MELTF: variants seen among roughly 807,000 people sequenced by gnomAD.
MELTF encodes the protein melanotransferrin.
A neutral mutation model predicts 83.7 loss-of-function variants in MELTF; 67 were observed. The ratio of observed to expected loss-of-function variants is 0.80; its 90% CI spans 0.66 to 0.98. MELTF has a LOEUF of 0.98. Among genes scored for constraint, MELTF ranks in the 50% least tolerant of loss-of-function variants. MELTF has a pLI of 0.00. For missense variants in MELTF, 1,002 were observed against 1,035.6 expected (o/e 0.97, Z 0.44); for synonymous variants, 462 against 447.6 (o/e 1.03, Z -0.41).
intron 5 of MELTF, 30 bp from the exon 6 acceptor site, chr3:197,021,501 G>A: frequency 6.2e-7 from 1 of 1,608,356 alleles, no homozygotes; most frequent in Non-Finnish European, 8.5e-7. Flanking sequence ...GGTCTGGATG[G>A]GCTGAGCCCC....
In MELTF at chr3:197,029,670, G is replaced by T. The variant is rs1336694246; in HGVS notation, c.33C>A (p.Leu11=). ...GGGCCTCACCGGTGCGCAGAGCCAG[G>T]AGCAGCCACAGAGCCCCGCTCGGAC... MRGPSGALWL[L]LALRTVLGGM... Residue 11 remains leucine (L), a synonymous_variant, in exon 1 of 16, where the codon CTC becomes CTA. Transcript: ENST00000296350. The surrounding 1 kb of genome is among the most constrained non-coding windows in gnomAD (Gnocchi z 6.5). 1 of 1,247,780 alleles carries T rather than the reference G, an allele frequency of 8.0e-7. No individual in the cohort carries two copies. Among genetic ancestry groups the T allele is most frequent in the South Asian group, 3.7e-5 (1 of 26,858 alleles). The allele number at this position is 1,247,780 out of a possible 1,614,324, so 77.3% of individuals were successfully genotyped here. A position where few individuals can be genotyped will look rare whatever the true frequency, so the allele number is the denominator to read the frequency against.
In MELTF at chr3:197,006,740, A is replaced by AG; in HGVS notation, c.1751-5dup. The AG allele has an allele frequency of 1.3e-6, 2 of 1,526,304 alleles. No individual in the cohort carries two copies. The highest frequency in any genetic ancestry group is 1.3e-5 in the South Asian group (1 of 77,052). 94.5% of individuals were successfully genotyped at this position (1,526,304 alleles called of 1,614,324 possible). ...GCCCAGGGCTCGGAATTGTGGCCTG[A>AG]GGGGGGTAAAGCAGTGTGTGTGGGG... On this transcript the variant is annotated splice_region_variant and splice_polypyrimidine_tract_variant and intron_variant, in intron 13 of 15. Coordinates refer to ENST00000296350, the MANE Select transcript of MELTF (RefSeq NM_005929.6). This position sits in a 1 kb window ranked among gnomAD's most constrained non-coding sequence, Gnocchi z 5.4.
chr3:197,016,550 C>T (rs767559222), intron 7 of MELTF, among the ~76,000 whole-genome samples, 181 bp from the exon 8 acceptor site: 4 of 152,218 alleles, frequency 2.6e-5, no homozygotes, highest in Non-Finnish European at 5.9e-5. Flanking sequence ...TCCCCTGGGC[C>T]CTGTCAGTTC....
At position 197,015,486 on chromosome 3, in the gene MELTF, A is replaced by C; in HGVS notation, c.1112T>G (p.Leu371Arg). Residue 371 changes from leucine (L) to arginine (R), a missense_variant, in exon 9 of 16, where the codon CTC becomes CGC. Coordinates refer to ENST00000296350, the MANE Select transcript of MELTF (RefSeq NM_005929.6). ...ACACTTCTGGATCTCGGGAGTGGAG[A>C]GCACACACCAGCGCAGGTAGGGGGG... is the stretch of plus-strand genomic sequence containing the variant. The part of the protein sequence containing the change: ...RLPPYLRWCV[L>R]STPEIQKCGD... 1.2e-6 allele frequency: 2 copies of C among 1,611,792 alleles called. No homozygotes were observed. The highest frequency in any genetic ancestry group is 2.2e-5 in the South Asian group (2 of 90,620).
chr3:197,017,373 A>T, intron 6 of MELTF, 83 bp from the exon 7 acceptor site: 1 of 1,298,480 alleles, frequency 7.7e-7, no homozygotes, highest in Admixed American at 2.9e-5. Flanking sequence ...AGGGAATCTG[A>T]GGGGTGGCTG....
chr3:197,027,637 T>G, intron 2 of MELTF, 119 bp downstream of exon 2: 1 of 1,280,550 alleles, frequency 7.8e-7, no homozygotes, highest in Non-Finnish European at 1.1e-6. Flanking sequence ...ACTCGGGAGA[T>G]CCTATCGGCC....
rs1460260575 is a variant in MELTF, at chr3:197,007,917, G to A, written c.1750+740C>T. Among the ~76,000 whole-genome samples the A allele has an allele frequency of 6.6e-6, 1 of 152,198 alleles. No individual in the cohort carries two copies. The highest frequency in any genetic ancestry group is 1.5e-5 in the Non-Finnish European group (1 of 68,032). On this transcript the variant is annotated intron_variant, in intron 13 of 15. Coordinates refer to ENST00000296350, the MANE Select transcript of MELTF (RefSeq NM_005929.6). The surrounding 1 kb of genome is among the most constrained non-coding windows in gnomAD (Gnocchi z 4.3). ...ATGTTGGGAGCGAGTGGAGAAGACT[G>A]GGCCTCCAGCATTTGGGGTTTCAAA... is the stretch of plus-strand genomic sequence containing the variant.
chr3:197,023,548 C>T (rs1029330460), intron 4 of MELTF, among the ~76,000 whole-genome samples: 3 of 152,168 alleles, frequency 2.0e-5, no homozygotes, highest in South Asian at 2.1e-4. Context: ...GCCAGCCTCA[C>T]GGGGGACGAG....
rs1432844663 is a variant in MELTF at position 197,010,762 on chromosome 3, G to A, written c.1266C>T (p.Gly422=). The A allele has an allele frequency of 1.9e-5, 30 of 1,613,510 alleles. No homozygotes were observed. Among genetic ancestry groups the A allele is most frequent in the Non-Finnish European group, 2.5e-5 (29 of 1,180,034 alleles). Residue 422 remains glycine, a synonymous_variant, in exon 10 of 16, where the codon GGC becomes GGT. Coordinates refer to ENST00000296350, the MANE Select transcript of MELTF (RefSeq NM_005929.6). ...AEQVDAVTLS[G]EDIYTAGKTY... Reference sequence around the variant, plus strand: ...TCTTCCCCGCCGTGTAAATGTCCTCGCCACTCAGGGTCACAGCGTCGACCT... The same window carrying A: ...TCTTCCCCGCCGTGTAAATGTCCTCACCACTCAGGGTCACAGCGTCGACCT...
chr3:197,019,318 A>C, intron 6 of MELTF: 1 of 1,090,020 alleles, frequency 9.2e-7, no homozygotes, highest in Non-Finnish European at 1.1e-6. Context: ...CTCCTCAGCC[A>C]AGAACAATGA....
In MELTF at chr3:197,002,323, T is replaced by G. The variant is rs564898254; in HGVS notation, c.*1049A>C. On this transcript the variant is annotated 3_prime_UTR_variant, in exon 16 of 16. Coordinates refer to ENST00000296350, the MANE Select transcript of MELTF (RefSeq NM_005929.6). Reference sequence around the variant, plus strand: ...CTCCCATTTCTTCTCTTCCTCTTCATTTTTTTTAAGGGCTGCCAGTTCTGG... The same window carrying G: ...CTCCCATTTCTTCTCTTCCTCTTCAGTTTTTTTAAGGGCTGCCAGTTCTGG... 1 of 152,166 alleles carries G rather than the reference T, an allele frequency of 6.6e-6. No homozygotes were observed. The highest frequency in any genetic ancestry group is 2.4e-5 in the African/African-American group (1 of 41,428). 9.4% of individuals were successfully genotyped at this position (152,166 alleles called of 1,614,324 possible).
rs866079511 is a variant in MELTF at position 197,006,346 on chromosome 3, C to T, written c.1938+203G>A. Among the ~76,000 whole-genome samples the T allele has an allele frequency of 5.9e-5, 9 of 152,150 alleles. No individual in the cohort carries two copies. Among genetic ancestry groups the T allele is most frequent in the African/African-American group, 2.2e-4 (9 of 41,424 alleles). ...ATGTTTCATGTTGGTGAAAATGGTCCGACTGAGAAGGGAAAATCAACGATG... is the reference window on the plus strand; with the variant it reads ...ATGTTTCATGTTGGTGAAAATGGTCTGACTGAGAAGGGAAAATCAACGATG... On this transcript the variant is annotated intron_variant, in intron 14 of 15. Transcript: ENST00000296350. This position sits in a 1 kb window ranked among gnomAD's most constrained non-coding sequence, Gnocchi z 5.4.
In MELTF at chr3:197,017,133, G is replaced by A; in HGVS notation, c.870C>T (p.Gly290=). Residue 290 remains glycine (G), a synonymous_variant, in exon 7 of 16, where the codon GGC becomes GGT. Transcript: ENST00000296350. ...AVVVRADTDG[G]LIFRLLNEGQ... is the part of the protein sequence containing the mutation. The stretch of plus-strand genomic sequence containing the variant: ...CTTCGTTGAGCAGCCGGAAGATGAG[G>A]CCCCCATCTGTGTCGGCCCGGACCA... The A allele has an allele frequency of 6.2e-7, 1 of 1,612,392 alleles. No individual in the cohort carries two copies. The highest frequency in any genetic ancestry group is 8.5e-7 in the Non-Finnish European group (1 of 1,179,720).
intron 6 of MELTF, among the ~76,000 whole-genome samples, chr3:197,017,600 G>A (rs571630166): frequency 2.5e-4 from 38 of 152,330 alleles, no homozygotes; most frequent in African/African-American, 7.0e-4. Flanking sequence ...AAGGCTGGCC[G>A]GGCGTGGTGG....
Position 197,029,709 on chromosome 3 carries a change from G to A in MELTF, c.-7C>T. The A allele has an allele frequency of 3.2e-6, 4 of 1,237,862 alleles. No homozygotes were observed. Among genetic ancestry groups the A allele is most frequent in the South Asian group, 7.8e-5 (2 of 25,488 alleles). 76.7% of individuals were successfully genotyped at this position (1,237,862 alleles called of 1,614,324 possible). A position where few individuals can be genotyped will look rare whatever the true frequency, so the allele number is the denominator to read the frequency against. The stretch of plus-strand genomic sequence containing the variant: ...CCCCGCTCGGACCCCGCATGGCGCC[G>A]TCGGGGCTGGCTGGGGCCGGGCTGG... On this transcript the variant is annotated 5_prime_UTR_variant, in exon 1 of 16. The change creates a new upstream start codon in the 5' untranslated region. Coordinates refer to ENST00000296350, the MANE Select transcript of MELTF (RefSeq NM_005929.6). The surrounding 1 kb of genome is among the most constrained non-coding windows in gnomAD (Gnocchi z 6.5).
At chr3:197,019,715 G>A (rs763359258) in intron 6 of MELTF, 68 of 1,613,564 alleles carry the variant, frequency 4.2e-5, no homozygotes, top group East Asian at 6.7e-5. Flanking sequence ...GCACTAGAGC[G>A]CATCGTCCTA....
rs1470743850 is a variant in MELTF at position 197,003,908 on chromosome 3, C to A, written c.2130G>T (p.Ser710=). 1.2e-6 allele frequency: 2 copies of A among 1,613,510 alleles called. No individual in the cohort carries two copies. The highest frequency in any genetic ancestry group is 4.5e-5 in the East Asian group (2 of 44,874). The change falls in exon 15 of 16, where the codon TCG becomes TCT. Residue 710 remains serine, a synonymous_variant. Transcript: ENST00000296350. This position sits in a 1 kb window ranked among gnomAD's most constrained non-coding sequence, Gnocchi z 6.2. ...AGGGCGGGCCTGTCCTACCTGCGCC[C>A]GAGCACTGCTGAGACGACATCCCTT... ...ALEGMSSQQC[S]GAAAPAPGAP...
In MELTF at chr3:197,024,603, C is replaced by T. The variant is rs2280296; in HGVS notation, c.305-118G>A. ...TGTGCACGGAGCACGGCTGTACACA[C>T]GGATGTGTGCATAGCGTTCTCGTTA... On this transcript the variant is annotated intron_variant, in intron 3 of 15. Coordinates refer to ENST00000296350, the MANE Select transcript of MELTF (RefSeq NM_005929.6). The surrounding 1 kb of genome is among the most constrained non-coding windows in gnomAD (Gnocchi z 5.3). The T allele has an allele frequency of 0.6, 467,351 of 780,750 alleles. 142,364 individuals are homozygous for T. Among genetic ancestry groups the T allele is most frequent in the African/African-American group, 0.79 (44,373 of 56,474 alleles). 48.4% of individuals were successfully genotyped at this position (780,750 alleles called of 1,614,324 possible). A position where few individuals can be genotyped will look rare whatever the true frequency, so the allele number is the denominator to read the frequency against.
Position 197,003,455 on chromosome 3 carries a change from G to A in MELTF, c.2138-4C>T, listed in dbSNP as rs1014895318. 9.2e-7 allele frequency: 1 copy of A among 1,082,612 alleles called. No homozygotes were observed. Among genetic ancestry groups the A allele is most frequent in the Admixed American group, 6.1e-5 (1 of 16,442 alleles). The allele number at this position is 1,082,612 out of a possible 1,614,324, so 67.1% of individuals were successfully genotyped here. The stretch of plus-strand genomic sequence containing the variant: ...GGCGCCCCGGGCGCCGGGGCCGCTG[G>A]GGACGAACGCGGCGGGTCAGGCCCC... On this transcript the variant is annotated splice_region_variant and splice_polypyrimidine_tract_variant and intron_variant, in intron 15 of 15. Coordinates refer to ENST00000296350, the MANE Select transcript of MELTF (RefSeq NM_005929.6). This position sits in a 1 kb window ranked among gnomAD's most constrained non-coding sequence, Gnocchi z 6.2.
Sources: gnomAD v4.1 joint callset for allele counts (sites outside exome capture counted in the v4.1 genomes callset) on GRCh38, gnomAD v4.1.1 for gene constraint, Gnocchi (gnomAD v3.1) non-coding constraint, MANE v1.5 for transcripts, NCBI Gene and HGNC (gene_info 2026-07-23, HGNC 2026-07-21) for gene names.